The following DAB1 variants were observed in gnomAD, a reference collection of about 807,000 sequenced individuals.
DAB1 encodes disabled homolog 1.
In DAB1, 15 loss-of-function variants were observed where a neutral mutation model predicts 64.6. The observed-to-expected ratio is 0.23, with a 90% CI of 0.16 to 0.36. DAB1 has a LOEUF of 0.36. Among genes scored for constraint, DAB1 ranks in the 10% least tolerant of loss-of-function variants. The pLI is 1.00. For synonymous variants in DAB1, 235 were observed against 251.9 expected, an observed-to-expected ratio of 0.93 and a Z score of 0.64; for missense variants, 596 against 706.7, an observed-to-expected ratio of 0.84 and a Z score of 1.78.
At chr1:58,500,494 C>T (rs1248359935) in intron 3 of DAB1, among the ~76,000 whole-genome samples, 1 of 152,136 alleles carries the variant, frequency 6.6e-6, no homozygotes, top group Non-Finnish European at 1.5e-5. Context: ...AAACCCCTAG[C>T]TTCCTGAAAG....
intron 1 of DAB1, among the ~76,000 whole-genome samples, chr1:57,839,036 C>T (rs1652935466): frequency 6.6e-6 from 1 of 152,046 alleles, no homozygotes; most frequent in African/African-American, 2.4e-5. Context: ...CCATCTAGGC[C>T]TCCCAAAGTT....
At chr1:57,506,817 T>C (rs1303016189) in intron 7 of DAB1, among the ~76,000 whole-genome samples, 10 of 152,214 alleles carry the variant, frequency 6.6e-5, no homozygotes, top group Non-Finnish European at 1.5e-4. Context: ...AGAGTTGTCT[T>C]GGACTCATCT....
intron 3 of DAB1, among the ~76,000 whole-genome samples, chr1:58,425,356 G>A (rs918827864): frequency 1.3e-5 from 2 of 152,226 alleles, no homozygotes; most frequent in Admixed American, 6.5e-5. Context: ...AATTCTAGCT[G>A]TCACAGGGTC....
chr1:58,243,945 C>A (rs1454168477), intron 4 of DAB1, among the ~76,000 whole-genome samples: 4 of 151,414 alleles, frequency 2.6e-5, no homozygotes, highest in African/African-American at 9.7e-5. Flanking sequence ...GAAAAAAAAA[C>A]ACACACACAA....
intron 7 of DAB1, among the ~76,000 whole-genome samples, chr1:57,569,425 A>G (rs1388346052): frequency 1.3e-5 from 2 of 152,168 alleles, no homozygotes; most frequent in Non-Finnish European, 1.5e-5. Context: ...TGATGAGTTC[A>G]TGTCCTTTGT....
chr1:58,420,162 C>T (rs1361507871), intron 3 of DAB1, among the ~76,000 whole-genome samples: 1 of 152,118 alleles, frequency 6.6e-6, no homozygotes, highest in Non-Finnish European at 1.5e-5. Flanking sequence ...TTATAGTCAA[C>T]AATTTTGTTG....
At chr1:57,982,723 A>G (rs1207151239) in intron 5 of DAB1, among the ~76,000 whole-genome samples, 1 of 152,168 alleles carries the variant, frequency 6.6e-6, no homozygotes, top group Non-Finnish European at 1.5e-5. Context: ...TTCTCCTTCC[A>G]TTCATTGCCT....
At chr1:58,025,585 A>C (rs879926067) in intron 5 of DAB1, among the ~76,000 whole-genome samples, 3 of 138,420 alleles carry the variant, frequency 2.2e-5, no homozygotes, top group Non-Finnish European at 4.6e-5. Context: ...CATATATTTT[A>C]TTTCTTTCTC....
chr1:57,841,394 A>C (rs996752538), intron 1 of DAB1, among the ~76,000 whole-genome samples: 2 of 152,206 alleles, frequency 1.3e-5, no homozygotes, highest in African/African-American at 4.8e-5. Flanking sequence ...GTCTTCTCAC[A>C]GCTCCACTAG....
chr1:57,087,384 C>T (rs539454996), intron 4 of DAB1, among the ~76,000 whole-genome samples: 98 of 152,304 alleles, frequency 6.4e-4, no homozygotes, highest in African/African-American at 2.3e-3. Flanking sequence ...AACGTTCGGG[C>T]TAATTCACAA....
intron 4 of DAB1, among the ~76,000 whole-genome samples, chr1:58,187,430 A>G (rs1034204189): frequency 6.6e-6 from 1 of 151,570 alleles, no homozygotes; most frequent in Non-Finnish European, 1.5e-5. Context: ...GAGCTACATC[A>G]TGCTACTGCA....
chr1:57,313,475 A>G (rs1674911551), intron 1 of DAB1, among the ~76,000 whole-genome samples: 1 of 152,186 alleles, frequency 6.6e-6, no homozygotes, highest in Non-Finnish European at 1.5e-5. Flanking sequence ...GTGAAAATCT[A>G]TTTGTGGGAC....
intron 7 of DAB1, among the ~76,000 whole-genome samples, chr1:57,526,618 G>T (rs1320101566): frequency 6.6e-6 from 1 of 152,174 alleles, no homozygotes; most frequent in Non-Finnish European, 1.5e-5. Context: ...CAGCTGAAGT[G>T]ATCCATTTAT....
At chr1:57,238,837 ATG>A (rs796243993) in intron 2 of DAB1, among the ~76,000 whole-genome samples, 4,110 of 140,974 alleles carry the variant, frequency 0.029, 175 homozygotes, top group African/African-American at 0.1. Context: ...GCGTGTGCAC[ATG>A]CGCACACACA....
At chr1:58,148,372 C>T (rs1301831923) in intron 5 of DAB1, among the ~76,000 whole-genome samples, 1 of 152,186 alleles carries the variant, frequency 6.6e-6, no homozygotes, top group African/African-American at 2.4e-5. Flanking sequence ...AACTGCCAAC[C>T]GCTACCCACT....
chr1:57,967,141 T>C (rs1161465415), intron 5 of DAB1, among the ~76,000 whole-genome samples: 2 of 152,182 alleles, frequency 1.3e-5, no homozygotes, highest in Non-Finnish European at 2.9e-5. Flanking sequence ...GAGATGCAGA[T>C]TGTAGGTCAC....
intron 3 of DAB1, among the ~76,000 whole-genome samples, chr1:57,144,432 A>G (rs943354243): frequency 3.9e-5 from 6 of 152,276 alleles, no homozygotes; most frequent in African/African-American, 1.4e-4. Context: ...ACAGTGGCTC[A>G]CGCCTGTAAT....
At chr1:57,253,161 G>A (rs765839667) in intron 2 of DAB1, among the ~76,000 whole-genome samples, 3 of 152,134 alleles carry the variant, frequency 2.0e-5, no homozygotes, top group Non-Finnish European at 4.4e-5. Context: ...GGGCACATTC[G>A]GGTCAGGCCA....
At chr1:57,746,069 G>T (rs926784602) in intron 6 of DAB1, among the ~76,000 whole-genome samples, 2 of 152,056 alleles carry the variant, frequency 1.3e-5, no homozygotes, top group Non-Finnish European at 2.9e-5. Context: ...AAACACTTTA[G>T]CGATCCTTTC....
Sources: gnomAD v4.1 joint callset for allele counts (sites outside exome capture counted in the v4.1 genomes callset) on GRCh38, gnomAD v4.1.1 for gene constraint, MANE v1.5 for transcripts, NCBI Gene and HGNC (gene_info 2026-07-23, HGNC 2026-07-21) for gene names.